Variants in CNEP1R1 observed in about 807,000 individuals in gnomAD.
CNEP1R1 encodes the protein CTD nuclear envelope phosphatase 1 regulatory subunit 1, also known as nuclear envelope phosphatase-regulatory subunit 1.
A neutral mutation model predicts 22.7 loss-of-function variants in CNEP1R1; 10 were observed. That is an observed-to-expected ratio of 0.44 (90% CI 0.27 to 0.75). The LOEUF is 0.75. CNEP1R1 is among the 30% of genes least tolerant of loss of function. The probability of loss-of-function intolerance (pLI) is 0.17; values close to 1 mark genes in which losing one functional copy is unlikely to be tolerated. For synonymous variants in CNEP1R1, 53 were observed against 50.1 expected, an observed-to-expected ratio of 1.06 and a Z score of -0.25; for missense variants, 73 against 151.5, an observed-to-expected ratio of 0.48 and a Z score of 2.72.
intron 3 of CNEP1R1, among the ~76,000 whole-genome samples, chr16:50,031,023 C>CT (rs971730756): frequency 4.6e-5 from 7 of 151,844 alleles, no homozygotes; most frequent in African/African-American, 1.2e-4. Context: ...AAACTCAGGG[C>CT]TTTTTTTTAT....
intron 3 of CNEP1R1, among the ~76,000 whole-genome samples, chr16:50,031,196 G>T (rs2036228465): frequency 6.6e-6 from 1 of 152,054 alleles, no homozygotes; most frequent in East Asian, 1.9e-4. Context: ...GTACCTTTTA[G>T]GTTTTACAGA....
At chr16:50,033,779 G>T (rs905782856) in intron 4 of CNEP1R1, among the ~76,000 whole-genome samples, 2 of 150,844 alleles carry the variant, frequency 1.3e-5, no homozygotes, top group Admixed American at 6.6e-5. Flanking sequence ...TGGGAGAATC[G>T]CTTGAACCCG....
At chr16:50,035,079 T>C (rs2036263994) in intron 5 of CNEP1R1, among the ~76,000 whole-genome samples, 1 of 151,318 alleles carries the variant, frequency 6.6e-6, no homozygotes, top group African/African-American at 2.4e-5. Context: ...AGGCCAGGCA[T>C]GGTGGTTCAC....
chr16:50,033,788 C>T (rs62032977), intron 4 of CNEP1R1, among the ~76,000 whole-genome samples: 11,618 of 149,868 alleles, frequency 0.078, 540 homozygotes, highest in Middle Eastern at 0.13. Flanking sequence ...CGCTTGAACC[C>T]GGGAGGCAGA....
At chr16:50,029,223 C>T (rs138834174) in intron 2 of CNEP1R1, among the ~76,000 whole-genome samples, 21 of 152,186 alleles carry the variant, frequency 1.4e-4, no homozygotes, top group African/African-American at 5.1e-4. Context: ...AAAGAAAATC[C>T]GATACTAACT....
At chr16:50,033,367 AT>A in intron 3 of CNEP1R1, 29 bp from the exon 4 acceptor site, 1 of 1,207,626 alleles carries the variant, frequency 8.3e-7, no homozygotes, top group Admixed American at 1.9e-5. Flanking sequence ...GATTTTTAAC[AT>A]TTTTATATTT....
intron 2 of CNEP1R1, 95 bp downstream of exon 2, chr16:50,026,562 A>C (rs965104512): frequency 3.0e-6 from 3 of 1,012,686 alleles, no homozygotes; most frequent in Non-Finnish European, 4.5e-6. Context: ...TGTTTGTTTA[A>C]ATTTATTTAA....
intron 2 of CNEP1R1, among the ~76,000 whole-genome samples, chr16:50,027,917 A>C (rs896249535): frequency 9.2e-5 from 14 of 152,210 alleles, no homozygotes; most frequent in Non-Finnish European, 1.5e-5. Flanking sequence ...CCATGAGATC[A>C]TCAAACAAAA....
rs549622634 is a variant in CNEP1R1 at position 50,036,937 on chromosome 16, T to C, written c.*1479T>C. On this transcript the variant is annotated 3_prime_UTR_variant, in exon 6 of 6. Coordinates refer to ENST00000427478, the MANE Select transcript of CNEP1R1 (RefSeq NM_001281789.2). Reference sequence around the variant, plus strand: ...GTGTTCATCTTAGCTTTCACTTGTATAAAATTTGATTCTTTGAACTGCAGC... The same window carrying C: ...GTGTTCATCTTAGCTTTCACTTGTACAAAATTTGATTCTTTGAACTGCAGC... 2.6e-5 allele frequency: 4 copies of C among 152,786 alleles called. No individual in the cohort carries two copies. In the South Asian group the frequency reaches 6.2e-4, roughly 24 times the overall value. The allele number at this position is 152,786 out of a possible 1,614,324, so 9.5% of individuals were successfully genotyped here.
At chr16:50,034,921 T>C (rs1321251957) in intron 5 of CNEP1R1, among the ~76,000 whole-genome samples, 1 of 152,188 alleles carries the variant, frequency 6.6e-6, no homozygotes, top group Non-Finnish European at 1.5e-5. Context: ...AAAACTATCA[T>C]GTACCAGTGT....
chr16:50,034,826 C>T (rs1478336732), intron 5 of CNEP1R1, among the ~76,000 whole-genome samples: 2 of 152,024 alleles, frequency 1.3e-5, no homozygotes, highest in Non-Finnish European at 2.9e-5. Context: ...TGCTTGAGCC[C>T]AGGAATTTGA....
Position 50,035,936 on chromosome 16 carries a change from A to T in CNEP1R1, c.*478A>T, listed in dbSNP as rs1300508372. On this transcript the variant is annotated 3_prime_UTR_variant, in exon 6 of 6. Coordinates refer to ENST00000427478, the MANE Select transcript of CNEP1R1 (RefSeq NM_001281789.2). ...TATTATGTGTGCCTTTCATTCTTACATTTCTAATCATACTGCAGGAAAAAC... is the reference window on the plus strand; with the variant it reads ...TATTATGTGTGCCTTTCATTCTTACTTTTCTAATCATACTGCAGGAAAAAC... The T allele has an allele frequency of 6.6e-6, 1 of 150,936 alleles. No individual in the cohort carries two copies. Among genetic ancestry groups the T allele is most frequent in the East Asian group, 1.9e-4 (1 of 5,154 alleles). 9.3% of individuals were successfully genotyped at this position (150,936 alleles called of 1,614,324 possible).
chr16:50,036,800 A>G lies in CNEP1R1; in HGVS notation c.*1342A>G, dbSNP rs2036283365. On this transcript the variant is annotated 3_prime_UTR_variant, in exon 6 of 6. Coordinates refer to ENST00000427478, the MANE Select transcript of CNEP1R1 (RefSeq NM_001281789.2). ...CCTTTTACCTGTTTATTAGATTTTG[A>G]AAAGGTTTAAATTATTTCATGAGCA... 1 of 152,654 alleles carries G rather than the reference A, an allele frequency of 6.6e-6. No homozygotes were observed. The highest frequency in any genetic ancestry group is 1.5e-5 in the Non-Finnish European group (1 of 68,026). The allele number at this position is 152,654 out of a possible 1,614,324, so 9.5% of individuals were successfully genotyped here. A position where few individuals can be genotyped will look rare whatever the true frequency, so the allele number is the denominator to read the frequency against.
At chr16:50,026,299 A>T in intron 1 of CNEP1R1, 97 bp from the exon 2 acceptor site, 1 of 790,588 alleles carries the variant, frequency 1.3e-6, no homozygotes, top group South Asian at 1.5e-5. Context: ...AGCAGTTAAG[A>T]GTATCTCACA....
intron 2 of CNEP1R1, among the ~76,000 whole-genome samples, chr16:50,029,006 A>G (rs2036210134): frequency 6.6e-6 from 1 of 152,194 alleles, no homozygotes; most frequent in South Asian, 2.1e-4. Flanking sequence ...AAATGTATGC[A>G]TCCTAGCTGA....
At chr16:50,025,627 ATTCAT>A (rs2036174535) in intron 1 of CNEP1R1, 4 of 1,608,638 alleles carry the variant, frequency 2.5e-6, no homozygotes, top group African/African-American at 1.3e-5. Flanking sequence ...CAGCCTGCTA[ATTCAT>A]TTCATTTCAT....
At chr16:50,033,050 G>A (rs1044443314) in intron 3 of CNEP1R1, among the ~76,000 whole-genome samples, 1 of 151,584 alleles carries the variant, frequency 6.6e-6, no homozygotes, top group Non-Finnish European at 1.5e-5. Flanking sequence ...AGTTTGATTT[G>A]TGTTTTCATT....
Position 50,034,168 on chromosome 16 carries a change from T to C in CNEP1R1, c.336+12T>C, listed in dbSNP as rs770222852. ...TGTCTTGTGATGATGTAAGTATTTTTTTGGTTAGAAAATTATAGACCTGCA... is the reference window on the plus strand; with the variant it reads ...TGTCTTGTGATGATGTAAGTATTTTCTTGGTTAGAAAATTATAGACCTGCA... On this transcript the variant is annotated intron_variant, in intron 5 of 5. Coordinates refer to ENST00000427478, the MANE Select transcript of CNEP1R1 (RefSeq NM_001281789.2). The C allele has an allele frequency of 1.3e-6, 2 of 1,562,644 alleles. No homozygotes were observed. Among genetic ancestry groups the C allele is most frequent in the East Asian group, 4.6e-5 (2 of 43,224 alleles).
intron 1 of CNEP1R1, chr16:50,025,689 G>C: frequency 6.2e-7 from 1 of 1,613,864 alleles, no homozygotes; most frequent in South Asian, 1.1e-5. Flanking sequence ...GGTGGTTTCC[G>C]GTAACTGCCA....
Sources: gnomAD v4.1 joint callset for allele counts (sites outside exome capture counted in the v4.1 genomes callset) on GRCh38, gnomAD v4.1.1 for gene constraint, MANE v1.5 for transcripts, NCBI Gene and HGNC (gene_info 2026-07-23, HGNC 2026-07-21) for gene names.